Variants in ANGPT1 observed in about 807,000 individuals in gnomAD.
ANGPT1 encodes the protein angiopoietin-1.
In ANGPT1, 17 loss-of-function variants were observed where a neutral mutation model predicts 62.2. The ratio of observed to expected loss-of-function variants is 0.27; its 90% confidence interval spans 0.19 to 0.41. The LOEUF (loss-of-function observed/expected upper bound fraction) is 0.41, where lower values mean the gene tolerates loss of function less well. Among genes scored for constraint, ANGPT1 ranks in the 10% least tolerant of loss-of-function variants. The pLI, the probability that ANGPT1 is intolerant of heterozygous loss-of-function variation, is 1.00. For synonymous variants in ANGPT1, 199 were observed against 198.9 expected, an observed-to-expected ratio of 1.00 and a Z score of 0.00; for missense variants, 478 against 594.9, an observed-to-expected ratio of 0.80 and a Z score of 2.04.
intron 2 of ANGPT1, among the ~76,000 whole-genome samples, chr8:107,338,253 G>C (rs1815617365): frequency 6.6e-6 from 1 of 152,130 alleles, no homozygotes; most frequent in Admixed American, 6.5e-5. Context: ...AAACTTAAAG[G>C]GGTGCCAGAA....
At chr8:107,387,957 T>C (rs1275292924) in intron 1 of ANGPT1, among the ~76,000 whole-genome samples, 3 of 152,128 alleles carry the variant, frequency 2.0e-5, no homozygotes, top group African/African-American at 4.8e-5. Flanking sequence ...GAATCTGTTA[T>C]ATATTTCTGG....
chr8:107,425,681 G>A lies in ANGPT1; in HGVS notation c.297+71581C>T, dbSNP rs151169621. Among the ~76,000 whole-genome samples the A allele has an allele frequency of 4.3e-3, 655 of 152,262 alleles. 5 individuals carry two copies. Among genetic ancestry groups the A allele is most frequent in the Non-Finnish European group, 3.8e-3 (256 of 68,028 alleles). On this transcript the variant is annotated intron_variant, in intron 1 of 8. Coordinates refer to ENST00000517746, the MANE Select transcript of ANGPT1 (RefSeq NM_001146.5). Reference sequence around the variant, plus strand: ...GGCCGATCCTGGGGTTATCCCAACCGAAGTTTCTTCTCTTTTGGATCTGGA... The same window carrying A: ...GGCCGATCCTGGGGTTATCCCAACCAAAGTTTCTTCTCTTTTGGATCTGGA...
intron 1 of ANGPT1, among the ~76,000 whole-genome samples, chr8:107,391,528 G>A (rs185355023): frequency 5.9e-5 from 9 of 152,140 alleles, no homozygotes; most frequent in Non-Finnish European, 1.0e-4. Context: ...TTAGCCAGGC[G>A]TGGTGGCAGG....
In ANGPT1 at chr8:107,291,900, G is replaced by A. The variant is rs867284926; in HGVS notation, c.1038+2036C>T. Among the ~76,000 whole-genome samples the A allele has an allele frequency of 1.4e-3, 197 of 144,116 alleles. 3 individuals carry two copies. Among genetic ancestry groups the A allele is most frequent in the African/African-American group, 4.7e-3 (186 of 39,192 alleles). The allele number at this position is 144,116 out of a possible 152,430, so 94.5% of individuals were successfully genotyped here. On this transcript the variant is annotated intron_variant, in intron 6 of 8. Transcript: ENST00000517746. ...CTATTTCCACTGAAGATGGGGGGGG[G>A]GGGGGGCTTGCCACTTAATAGGCAG...
At chr8:107,391,359 T>C (rs988139163) in intron 1 of ANGPT1, among the ~76,000 whole-genome samples, 2 of 152,228 alleles carry the variant, frequency 1.3e-5, no homozygotes, top group Non-Finnish European at 2.9e-5. Context: ...AAAACATATA[T>C]GTGTTTATTA....
chr8:107,492,058 G>T (rs1225187663), intron 1 of ANGPT1, among the ~76,000 whole-genome samples: 7 of 151,302 alleles, frequency 4.6e-5, no homozygotes, highest in East Asian at 2.0e-4. Context: ...GGTTTTTTTT[G>T]GATCTTTTGA....
rs528581436 is a variant in ANGPT1, at chr8:107,256,887, C to T, written c.1337-4872G>A. Among the ~76,000 whole-genome samples the T allele has an allele frequency of 1.9e-3, 287 of 151,888 alleles. 1 individual carries two copies. The highest frequency in any genetic ancestry group is 3.7e-3 in the Non-Finnish European group (250 of 67,966). On this transcript the variant is annotated intron_variant, in intron 8 of 8. Transcript: ENST00000517746. ...TTTTGTTTTTTTTGAGATGGAGTCT[C>T]ACTCTGTCACCCAGGCTGGAGTGCA...
chr8:107,322,611 A>C, intron 3 of ANGPT1: 1 of 192,736 alleles, frequency 5.2e-6, no homozygotes. Context: ...CTGTGGGATC[A>C]AGAATAGTAT....
chr8:107,274,555 T>C (rs1813814772), intron 7 of ANGPT1, among the ~76,000 whole-genome samples: 1 of 152,088 alleles, frequency 6.6e-6, no homozygotes, highest in Non-Finnish European at 1.5e-5. Context: ...TAAAAGAAGC[T>C]AGAGTTTAAT....
intron 1 of ANGPT1, among the ~76,000 whole-genome samples, chr8:107,467,185 T>A: frequency 6.6e-6 from 1 of 152,030 alleles, no homozygotes; most frequent in Non-Finnish European, 1.5e-5. Flanking sequence ...GATAAGGTGA[T>A]AGATACCCCA....
intron 2 of ANGPT1, 27 bp downstream of exon 2, chr8:107,346,915 T>G: frequency 6.3e-7 from 1 of 1,580,588 alleles, no homozygotes; most frequent in Non-Finnish European, 8.6e-7. Context: ...CCTTGTTGAG[T>G]CTGTGGACTC....
chr8:107,389,935 T>TA (rs375965920), intron 1 of ANGPT1, among the ~76,000 whole-genome samples: 1,680 of 135,370 alleles, frequency 0.012, 5 homozygotes, highest in East Asian at 0.02. Context: ...GGTTTCTTCC[T>TA]AAAAAAAAAA....
intron 3 of ANGPT1, 32 bp from the exon 4 acceptor site, chr8:107,322,160 G>GA: frequency 6.7e-7 from 1 of 1,500,096 alleles, no homozygotes; most frequent in South Asian, 1.2e-5. Flanking sequence ...ACTTAGATTT[G>GA]AAAAAATGTT....
At chr8:107,309,905 T>C (rs948991214) in intron 4 of ANGPT1, among the ~76,000 whole-genome samples, 3 of 152,144 alleles carry the variant, frequency 2.0e-5, no homozygotes, top group Non-Finnish European at 4.4e-5. Context: ...TACTCTTAAT[T>C]TGAAGTCTTT....
chr8:107,259,318 C>T lies in ANGPT1; in HGVS notation c.1336+4903G>A, dbSNP rs530263287. On this transcript the variant is annotated intron_variant, in intron 8 of 8. Coordinates refer to ENST00000517746, the MANE Select transcript of ANGPT1 (RefSeq NM_001146.5). ...ATACACCAGTTGAAAAAACTGCTAG[C>T]TTCTATCATTTTCTTTGTCTTCTTT... Among the ~76,000 whole-genome samples the T allele has an allele frequency of 3.5e-4, 54 of 152,212 alleles. 1 individual carries two copies. The South Asian group carries it at 0.01, about 29-fold the overall frequency.
intron 5 of ANGPT1, among the ~76,000 whole-genome samples, chr8:107,300,025 T>A (rs533468637): frequency 7.0e-6 from 1 of 142,230 alleles, no homozygotes; most frequent in African/African-American, 2.5e-5. Flanking sequence ...AGATATGTAG[T>A]TATATCTAGA....
chr8:107,281,310 A>G (rs1485632088), intron 7 of ANGPT1, among the ~76,000 whole-genome samples: 3 of 152,204 alleles, frequency 2.0e-5, no homozygotes, highest in Non-Finnish European at 4.4e-5. Flanking sequence ...TTTAGAAAAT[A>G]AAACCTCAAA....
At chr8:107,396,513 C>CTTTTTT (rs1816937528) in intron 1 of ANGPT1, among the ~76,000 whole-genome samples, 1 of 110,174 alleles carries the variant, frequency 9.1e-6, no homozygotes, top group Admixed American at 1.0e-4. Flanking sequence ...CTTTTCTTTT[C>CTTTTTT]TCTCTTTTTT....
At chr8:107,370,700 C>CAA (rs71308729) in intron 1 of ANGPT1, among the ~76,000 whole-genome samples, 896 of 75,476 alleles carry the variant, frequency 0.012, 2 homozygotes, top group Non-Finnish European at 0.015. Context: ...AAGACTCTGT[C>CAA]AAAAAAAAAA....
Sources: gnomAD v4.1 joint callset for allele counts (sites outside exome capture counted in the v4.1 genomes callset) on GRCh38, gnomAD v4.1.1 for gene constraint, MANE v1.5 for transcripts, NCBI Gene and HGNC (gene_info 2026-07-23, HGNC 2026-07-21) for gene names.